PDE3B: variants seen among roughly 807,000 people sequenced by gnomAD.
PDE3B encodes the protein cGMP-inhibited 3',5'-cyclic phosphodiesterase 3B.
PDE3B carries 66 observed loss-of-function variants against 116.8 expected under a neutral mutation model. That is an observed-to-expected ratio of 0.56 (90% CI 0.46 to 0.69). The LOEUF (loss-of-function observed/expected upper bound fraction) is 0.69. PDE3B is among the 30% of genes least tolerant of loss of function. The pLI is 0.00. For synonymous variants in PDE3B, 595 were observed against 533.6 expected, an observed-to-expected ratio of 1.12 and a Z score of -1.59; for missense variants, 1,384 against 1,368.1, an observed-to-expected ratio of 1.01 and a Z score of -0.18.
chr11:14,694,032 A>T (rs1431012499), intron 1 of PDE3B, among the ~76,000 whole-genome samples: 1 of 152,118 alleles, frequency 6.6e-6, no homozygotes, highest in Non-Finnish European at 1.5e-5. Flanking sequence ...GGGGTTCAAG[A>T]TGTTAGTGGA....
chr11:14,671,127 C>A (rs1403384877), intron 1 of PDE3B, among the ~76,000 whole-genome samples: 1 of 151,988 alleles, frequency 6.6e-6, no homozygotes, highest in African/African-American at 2.4e-5. Flanking sequence ...GAAATTTTAG[C>A]AGAGGGAAAT....
chr11:14,683,428 A>G (rs1406378221), intron 1 of PDE3B, among the ~76,000 whole-genome samples: 3 of 152,208 alleles, frequency 2.0e-5, no homozygotes, highest in Admixed American at 2.0e-4. Flanking sequence ...CAAGTAATCG[A>G]TTCATTTCAT....
intron 5 of PDE3B, 84 bp downstream of exon 5, chr11:14,804,134 C>T (rs1429878770): frequency 2.8e-6 from 2 of 725,666 alleles, no homozygotes; most frequent in Non-Finnish European, 4.8e-6. Context: ...ATATTTATAG[C>T]TAATTTTGAA....
At chr11:14,771,251 G>T (rs1035208234) in intron 1 of PDE3B, among the ~76,000 whole-genome samples, 2 of 151,648 alleles carry the variant, frequency 1.3e-5, no homozygotes, top group African/African-American at 4.8e-5. Flanking sequence ...ATGATAGGTA[G>T]CAGTTATAGC....
chr11:14,813,337 A>G (rs1036937233), intron 5 of PDE3B, among the ~76,000 whole-genome samples: 1 of 151,994 alleles, frequency 6.6e-6, no homozygotes, highest in African/African-American at 2.4e-5. Flanking sequence ...TTTTCTTTGC[A>G]TTTTCCAGTT....
At chr11:14,894,816 G>T in the PDE3B span, among the ~76,000 whole-genome samples, 6 of 152,178 alleles carry the variant, frequency 3.9e-5, no homozygotes, top group Non-Finnish European at 8.8e-5. Context: ...TCTTGCATTT[G>T]CTCTTTGAGT....
chr11:14,881,434 A>T, the PDE3B span, among the ~76,000 whole-genome samples: 1 of 152,092 alleles, frequency 6.6e-6, no homozygotes, highest in Admixed American at 6.6e-5. Flanking sequence ...TTTCTCCCTT[A>T]AATTAATTCA....
intron 1 of PDE3B, among the ~76,000 whole-genome samples, chr11:14,744,141 G>T (rs553491754): frequency 6.6e-6 from 1 of 152,136 alleles, no homozygotes; most frequent in Admixed American, 6.5e-5. Context: ...TGATCTACAT[G>T]TCTGTCTTTA....
At chr11:14,777,760 A>C (rs1409888879) in intron 2 of PDE3B, among the ~76,000 whole-genome samples, 1 of 152,190 alleles carries the variant, frequency 6.6e-6, no homozygotes, top group African/African-American at 2.4e-5. Flanking sequence ...CTGCATTTCC[A>C]AATGAGGTAC....
chr11:14,749,408 A>G (rs1223120954), intron 1 of PDE3B, among the ~76,000 whole-genome samples: 4 of 152,110 alleles, frequency 2.6e-5, no homozygotes, highest in African/African-American at 9.7e-5. Flanking sequence ...AATACATTCC[A>G]TCTTTGGATA....
At position 14,644,409 on chromosome 11, in the gene PDE3B, C is replaced by T; in HGVS notation, c.334C>T (p.Leu112=). 1 of 1,609,616 alleles carries T rather than the reference C, an allele frequency of 6.2e-7. No homozygotes were observed. Among genetic ancestry groups the T allele is most frequent in the Non-Finnish European group, 8.5e-7 (1 of 1,178,344 alleles). ...CGGGGCCGCCTGGCTGCGGACGCTG[C>T]TGAGCGTGTGTTCGCACAGCTTGAG... is the stretch of plus-strand genomic sequence containing the variant. ...AAGAAWLRTL[L]SVCSHSLSPL... The change falls in exon 1 of 16, where the codon CTG becomes TTG. Residue 112 remains leucine (L), a synonymous_variant. Transcript: ENST00000282096.
At chr11:14,702,041 TGTTA>T (rs901245754) in intron 1 of PDE3B, among the ~76,000 whole-genome samples, 2 of 151,624 alleles carry the variant, frequency 1.3e-5, no homozygotes, top group African/African-American at 4.8e-5. Context: ...CTGGGCTTCC[TGTTA>T]GTTGAAAATT....
intron 1 of PDE3B, among the ~76,000 whole-genome samples, chr11:14,734,604 T>A (rs540765664): frequency 2.2e-4 from 34 of 152,192 alleles, no homozygotes; most frequent in Non-Finnish European, 3.8e-4. Context: ...TAATATGAAG[T>A]ATATTAATTG....
intron 1 of PDE3B, among the ~76,000 whole-genome samples, chr11:14,723,259 A>G (rs1470796104): frequency 1.3e-5 from 2 of 152,224 alleles, no homozygotes; most frequent in Admixed American, 1.3e-4. Flanking sequence ...CTTCTGAGGT[A>G]TAGAAATTCA....
At chr11:14,793,662 G>A (rs1858459549) in intron 4 of PDE3B, among the ~76,000 whole-genome samples, 1 of 151,972 alleles carries the variant, frequency 6.6e-6, no homozygotes, top group South Asian at 2.1e-4. Context: ...TTTCCCTGGG[G>A]AAAAAAATAG....
At chr11:14,853,925 A>G (rs1257987075) in intron 12 of PDE3B, among the ~76,000 whole-genome samples, 3 of 152,204 alleles carry the variant, frequency 2.0e-5, no homozygotes, top group Non-Finnish European at 4.4e-5. Context: ...TTTTAAGTTG[A>G]GATTTTTAAA....
At chr11:14,671,016 A>G (rs1485385467) in intron 1 of PDE3B, among the ~76,000 whole-genome samples, 2 of 152,016 alleles carry the variant, frequency 1.3e-5, no homozygotes, top group Admixed American at 6.6e-5. Context: ...ATATTTAACA[A>G]TATTTATTGA....
At chr11:14,843,550 TA>T (rs1847519841) in intron 11 of PDE3B, among the ~76,000 whole-genome samples, 1 of 152,218 alleles carries the variant, frequency 6.6e-6, no homozygotes, top group African/African-American at 2.4e-5. Flanking sequence ...CAGAGGTTTT[TA>T]AAATTATTAT....
chr11:14,828,546 A>G (rs1859773193), intron 7 of PDE3B, among the ~76,000 whole-genome samples: 1 of 152,226 alleles, frequency 6.6e-6, no homozygotes, highest in Non-Finnish European at 1.5e-5. Flanking sequence ...ATGGGCAACA[A>G]TCATATGAAA....
Sources: allele counts gnomAD v4.1 joint callset (sites outside exome capture counted in the v4.1 genomes callset), GRCh38; gene constraint gnomAD v4.1.1; transcripts MANE v1.5; gene names NCBI Gene and HGNC (gene_info 2026-07-23, HGNC 2026-07-21).